The following SUPT3H variants were observed in gnomAD, a reference collection of about 807,000 sequenced individuals.
SUPT3H encodes transcription initiation protein SPT3 homolog.
In SUPT3H, 44 loss-of-function variants were observed where a neutral mutation model predicts 44.3. The ratio of observed to expected loss-of-function variants is 0.99; its 90% CI spans 0.78 to 1.28. The LOEUF (loss-of-function observed/expected upper bound fraction) is 1.28, where lower values mean the gene tolerates loss of function less well. Among genes scored for constraint, SUPT3H ranks in the 50% most tolerant of loss-of-function variants. The probability of loss-of-function intolerance (pLI) is 0.00; values close to 1 mark genes in which losing one functional copy is unlikely to be tolerated. For missense variants in SUPT3H, 380 were observed against 387.1 expected (o/e 0.98, Z 0.15); for synonymous variants, 124 against 125.6 (o/e 0.99, Z 0.09).
At position 45,335,757 on chromosome 6, in the gene SUPT3H, C is replaced by A. The variant is rs544979689; in HGVS notation, c.101+29444G>T. On this transcript the variant is annotated intron_variant, in intron 2 of 10. Transcript: ENST00000371459. ...CCATGAAGTAATCTATGAGAAAACTCCCATCAAGACAACAGCATCTTAACA... is the reference window on the plus strand; with the variant it reads ...CCATGAAGTAATCTATGAGAAAACTACCATCAAGACAACAGCATCTTAACA... Among the ~76,000 whole-genome samples, 7 of 151,242 alleles carry A rather than the reference C, an allele frequency of 4.6e-5. 1 individual carries two copies. The South Asian group carries it at 1.5e-3, about 31-fold the overall frequency.
At chr6:45,075,850 T>G (rs1413996187) in intron 3 of SUPT3H, among the ~76,000 whole-genome samples, 6 of 152,110 alleles carry the variant, frequency 3.9e-5, no homozygotes, top group Non-Finnish European at 8.8e-5. Context: ...TCTGAGCCAT[T>G]TCTTTTCATA....
At chr6:44,944,684 C>G (rs1773010952) in intron 9 of SUPT3H, among the ~76,000 whole-genome samples, 1 of 129,774 alleles carries the variant, frequency 7.7e-6, no homozygotes, top group South Asian at 2.6e-4. Flanking sequence ...ATTGCTTGAG[C>G]CTGGGAGATT....
chr6:45,075,083 G>A (rs192780347), intron 3 of SUPT3H, among the ~76,000 whole-genome samples: 5 of 152,020 alleles, frequency 3.3e-5, no homozygotes, highest in Non-Finnish European at 7.4e-5. Context: ...TCAATTCTCA[G>A]AGACTAACAT....
chr6:45,122,569 T>G (rs2153579939), intron 2 of SUPT3H, among the ~76,000 whole-genome samples: 1 of 152,264 alleles, frequency 6.6e-6, no homozygotes, highest in South Asian at 2.1e-4. Flanking sequence ...GGTAACTAAC[T>G]TTATTCCAAT....
rs1312885370 is a variant in SUPT3H, at chr6:45,063,136, C to A, written c.187-42504G>T. The stretch of plus-strand genomic sequence containing the variant: ...TCTGAGAACGGGCAGACTGCCTCCT[C>A]AAGTGGGTCCCTGACCCCTGACCCC... On this transcript the variant is annotated intron_variant, in intron 3 of 10. Coordinates refer to ENST00000371459, the MANE Select transcript of SUPT3H (RefSeq NM_003599.4). Among the ~76,000 whole-genome samples the A allele has an allele frequency of 2.7e-5, 4 of 145,982 alleles. No homozygotes were observed. In the South Asian group the frequency reaches 7.0e-4, roughly 25 times the overall value.
At chr6:45,221,433 C>T (rs1208545045) in intron 2 of SUPT3H, among the ~76,000 whole-genome samples, 1 of 152,096 alleles carries the variant, frequency 6.6e-6, no homozygotes, top group Non-Finnish European at 1.5e-5. Context: ...AAAAATCAAG[C>T]TGTTTATAAA....
chr6:45,177,460 G>C (rs1225849187), intron 2 of SUPT3H, among the ~76,000 whole-genome samples: 2 of 152,208 alleles, frequency 1.3e-5, no homozygotes, highest in African/African-American at 4.8e-5. Context: ...ACTTGAAAGT[G>C]ACGGGGAGAA....
chr6:44,833,421 T>C (rs574927744), intron 10 of SUPT3H, among the ~76,000 whole-genome samples: 95 of 152,240 alleles, frequency 6.2e-4, no homozygotes, highest in African/African-American at 2.1e-3. Flanking sequence ...AACTTCCAGT[T>C]TCACATTCAA....
chr6:44,852,535 C>A (rs1039619296), intron 10 of SUPT3H, among the ~76,000 whole-genome samples: 2 of 152,124 alleles, frequency 1.3e-5, no homozygotes, highest in Non-Finnish European at 2.9e-5. Flanking sequence ...AACCTCTTCT[C>A]CCAAGCTTTC....
chr6:45,224,507 A>G (rs2153636948), intron 2 of SUPT3H, among the ~76,000 whole-genome samples: 1 of 152,282 alleles, frequency 6.6e-6, no homozygotes, highest in Middle Eastern at 3.4e-3. Context: ...ATCATTTGAC[A>G]AAAGGATGAA....
intron 9 of SUPT3H, among the ~76,000 whole-genome samples, chr6:44,945,597 A>T (rs1441936259): frequency 6.6e-6 from 1 of 152,244 alleles, no homozygotes; most frequent in Non-Finnish European, 1.5e-5. Flanking sequence ...ACTAGCCATG[A>T]CATTTCCTTA....
intron 2 of SUPT3H, among the ~76,000 whole-genome samples, chr6:45,284,556 T>A (rs373767887): frequency 1.3e-5 from 2 of 152,124 alleles, no homozygotes; most frequent in Non-Finnish European, 2.9e-5. Flanking sequence ...AGAAGTTGAA[T>A]CTCTGAATAG....
At chr6:45,155,139 A>T (rs1807609824) in intron 2 of SUPT3H, among the ~76,000 whole-genome samples, 1 of 152,208 alleles carries the variant, frequency 6.6e-6, no homozygotes, top group Non-Finnish European at 1.5e-5. Context: ...TTTCAAATAT[A>T]TATGTTGAAC....
At chr6:44,812,414 A>ATTT (rs1387097671) in intron 11 of SUPT3H, among the ~76,000 whole-genome samples, 1 of 152,010 alleles carries the variant, frequency 6.6e-6, no homozygotes, top group Non-Finnish European at 1.5e-5. Flanking sequence ...ACATCAAGTC[A>ATTT]TTTTCATGTT....
intron 10 of SUPT3H, among the ~76,000 whole-genome samples, chr6:44,871,085 T>C: frequency 6.6e-6 from 1 of 150,474 alleles, no homozygotes; most frequent in South Asian, 2.1e-4. Context: ...GCGCCCGCCA[T>C]TGCCCAGGCT....
rs73735300 is a variant in SUPT3H at position 44,979,908 on chromosome 6, T to C, written c.505-18080A>G. On this transcript the variant is annotated intron_variant, in intron 6 of 10. Coordinates refer to ENST00000371459, the MANE Select transcript of SUPT3H (RefSeq NM_003599.4). ...AAAACAATTTTTATAGTAGACCAGG[T>C]CTACCTTAAGACACTAATTATTTTC... 3.9e-3 allele frequency among the ~76,000 whole-genome samples: 593 copies of C among 152,312 alleles called. 7 individuals carry two copies. Among genetic ancestry groups the C allele is most frequent in the African/African-American group, 0.014 (565 of 41,564 alleles).
intron 2 of SUPT3H, among the ~76,000 whole-genome samples, chr6:45,307,356 G>A (rs1303229740): frequency 6.6e-6 from 1 of 152,168 alleles, no homozygotes; most frequent in African/African-American, 2.4e-5. Flanking sequence ...AGCCTAACTG[G>A]GAGGCACCCC....
intron 2 of SUPT3H, among the ~76,000 whole-genome samples, chr6:45,134,782 C>G (rs1238472506): frequency 6.6e-6 from 1 of 152,176 alleles, no homozygotes; most frequent in Admixed American, 6.5e-5. Context: ...CTCGACAGCT[C>G]TGGATTCTCA....
Position 45,013,703 on chromosome 6 carries a change from G to A in SUPT3H, c.364+1098C>T, listed in dbSNP as rs111306470. Among the ~76,000 whole-genome samples, 1,373 of 152,200 alleles carry A rather than the reference G, an allele frequency of 9.0e-3. 14 individuals are homozygous for A. The highest frequency in any genetic ancestry group is 0.028 in the South Asian group (137 of 4,822). On this transcript the variant is annotated intron_variant, in intron 5 of 10. Coordinates refer to ENST00000371459, the MANE Select transcript of SUPT3H (RefSeq NM_003599.4). ...AAAGGGAGCCCCAGTCATCTCAGCT[G>A]TGCCTGCCTAGAATAAAGCTTTTGC...
Sources: allele counts gnomAD v4.1 joint callset (sites outside exome capture counted in the v4.1 genomes callset), GRCh38; gene constraint gnomAD v4.1.1; transcripts MANE v1.5; gene names NCBI Gene and HGNC (gene_info 2026-07-23, HGNC 2026-07-21).